The following DTD1 variants were observed in gnomAD, a reference collection of about 807,000 sequenced individuals.
DTD1 encodes the protein D-aminoacyl-tRNA deacylase 1, also known as D-tyrosyl-tRNA deacylase 1 homolog.
DTD1 carries 13 observed loss-of-function variants against 25.6 expected under a neutral mutation model. The ratio of observed to expected loss-of-function variants is 0.51; its 90% CI spans 0.33 to 0.81. The LOEUF (loss-of-function observed/expected upper bound fraction) is 0.81. DTD1 is among the 30% of genes least tolerant of loss of function. The pLI is 0.02. For synonymous variants in DTD1, 110 were observed against 103.6 expected, an observed-to-expected ratio of 1.06 and a Z score of -0.37; for missense variants, 193 against 266.4, an observed-to-expected ratio of 0.72 and a Z score of 1.92.
intron 4 of DTD1, among the ~76,000 whole-genome samples, chr20:18,648,804 G>A (rs531459028): frequency 7.9e-5 from 12 of 151,898 alleles, no homozygotes; most frequent in Non-Finnish European, 1.5e-4. Context: ...AGACCATTCT[G>A]GCTAACACGG....
intron 2 of DTD1, 120 bp from the exon 3 acceptor site, chr20:18,595,886 A>C: frequency 1.2e-6 from 1 of 805,294 alleles, no homozygotes; most frequent in East Asian, 2.6e-5. Context: ...GCCTCCTGTC[A>C]GGGATGGAGT....
chr20:18,592,602 T>C (rs2060593911), intron 1 of DTD1: 1 of 149,474 alleles, frequency 6.7e-6, no homozygotes, highest in Non-Finnish European at 1.5e-5. Flanking sequence ...TTGGACAACA[T>C]AGAGAGATCC....
Position 18,750,811 on chromosome 20 carries a change from G to A in DTD1, c.*19+6540G>A, listed in dbSNP as rs143438427. Among the ~76,000 whole-genome samples the A allele has an allele frequency of 5.5e-3, 832 of 152,306 alleles. 12 individuals are homozygous for A. Among genetic ancestry groups the A allele is most frequent in the African/African-American group, 0.019 (788 of 41,560 alleles). ...TAGGGCCACCTCTCACTAAAATGAT[G>A]TGGTTTCTGATTTGATTGCAGGGTC... On this transcript the variant is annotated intron_variant, in intron 5 of 5. Coordinates refer to ENST00000377452, the MANE Select transcript of DTD1 (RefSeq NM_080820.6).
At chr20:18,696,719 T>C (rs1191861912) in intron 4 of DTD1, among the ~76,000 whole-genome samples, 1 of 151,890 alleles carries the variant, frequency 6.6e-6, no homozygotes, top group Non-Finnish European at 1.5e-5. Flanking sequence ...CACACCCAGC[T>C]AATCTTGTAG....
intron 3 of DTD1, among the ~76,000 whole-genome samples, chr20:18,615,201 A>G (rs2060704542): frequency 6.6e-6 from 1 of 152,238 alleles, no homozygotes; most frequent in Non-Finnish European, 1.5e-5. Flanking sequence ...ATACAGTCCC[A>G]CGCTGTAATG....
At chr20:18,651,404 G>T (rs759187485) in intron 4 of DTD1, among the ~76,000 whole-genome samples, 1 of 152,196 alleles carries the variant, frequency 6.6e-6, no homozygotes, top group Non-Finnish European at 1.5e-5. Flanking sequence ...GCCCGTCTCC[G>T]CCTCCCAAAG....
chr20:18,728,083 C>T (rs2061228584), intron 4 of DTD1, among the ~76,000 whole-genome samples: 1 of 152,050 alleles, frequency 6.6e-6, no homozygotes, highest in South Asian at 2.1e-4. Flanking sequence ...TGGGTAGGAC[C>T]CTGGAGGGGT....
chr20:18,599,969 A>T (rs2060626994), intron 3 of DTD1, among the ~76,000 whole-genome samples: 1 of 152,172 alleles, frequency 6.6e-6, no homozygotes, highest in African/African-American at 2.4e-5. Context: ...ATCCTTTATC[A>T]GATATGTCTT....
intron 2 of DTD1, among the ~76,000 whole-genome samples, chr20:18,595,351 C>G (rs925297608): frequency 1.3e-5 from 2 of 152,080 alleles, no homozygotes; most frequent in Non-Finnish European, 1.5e-5. Flanking sequence ...ACTGCAATCT[C>G]TGCCTCCCTG....
chr20:18,661,285 T>C (rs769796707), intron 4 of DTD1, among the ~76,000 whole-genome samples: 1 of 152,124 alleles, frequency 6.6e-6, no homozygotes, highest in East Asian at 1.9e-4. Flanking sequence ...CTACAAAAAA[T>C]GATGCTGGGA....
chr20:18,684,216 C>G (rs2061007904), intron 4 of DTD1, among the ~76,000 whole-genome samples: 3 of 152,128 alleles, frequency 2.0e-5, no homozygotes, highest in Admixed American at 6.5e-5. Context: ...CCCACCCCAC[C>G]CCTGCATGAT....
intron 4 of DTD1, among the ~76,000 whole-genome samples, chr20:18,708,156 C>CGT (rs2061133830): frequency 1.2e-5 from 1 of 82,718 alleles, no homozygotes; most frequent in African/African-American, 4.5e-5. Context: ...TAATTATTAA[C>CGT]ATGTGTGTGT....
rs1470919333 is a variant in DTD1 at position 18,766,329 on chromosome 20, T to C, written c.*2989T>C. The C allele has an allele frequency of 1.3e-5, 2 of 152,246 alleles. No homozygotes were observed. Among genetic ancestry groups the C allele is most frequent in the Non-Finnish European group, 2.9e-5 (2 of 68,044 alleles). The allele number at this position is 152,246 out of a possible 1,614,324, so 9.4% of individuals were successfully genotyped here. On this transcript the variant is annotated 3_prime_UTR_variant, in exon 6 of 6. Coordinates refer to ENST00000377452, the MANE Select transcript of DTD1 (RefSeq NM_080820.6). ...TCTGCCGTTTTTCAGCCAGGCACTT[T>C]AAGAATTCTTAATTTGTTGTTCGTT...
At chr20:18,728,774 T>C (rs2061230893) in intron 4 of DTD1, among the ~76,000 whole-genome samples, 1 of 152,180 alleles carries the variant, frequency 6.6e-6, no homozygotes, top group Non-Finnish European at 1.5e-5. Context: ...GAAAAGCCCC[T>C]GCCTGGGTCC....
At chr20:18,699,442 T>C (rs576233013) in intron 4 of DTD1, among the ~76,000 whole-genome samples, 20 of 152,224 alleles carry the variant, frequency 1.3e-4, no homozygotes, top group Non-Finnish European at 2.8e-4. Context: ...AACAGGGACA[T>C]GGGCAGGGGC....
chr20:18,707,315 C>T (rs2061130553), intron 4 of DTD1, among the ~76,000 whole-genome samples: 1 of 152,170 alleles, frequency 6.6e-6, no homozygotes, highest in South Asian at 2.1e-4. Flanking sequence ...AAACAAGCTC[C>T]TTAGCTGTTT....
intron 4 of DTD1, among the ~76,000 whole-genome samples, chr20:18,639,857 A>G (rs773607757): frequency 3.3e-5 from 5 of 152,196 alleles, no homozygotes; most frequent in Non-Finnish European, 7.3e-5. Context: ...AGTCAGGAAC[A>G]TGATACTCAC....
intron 3 of DTD1, among the ~76,000 whole-genome samples, chr20:18,624,017 C>T (rs749187062): frequency 6.6e-5 from 10 of 152,084 alleles, no homozygotes; most frequent in Non-Finnish European, 1.5e-4. Flanking sequence ...CAGAGGCTCA[C>T]TCTGGCCATG....
intron 5 of DTD1, among the ~76,000 whole-genome samples, chr20:18,748,779 A>G (rs1366067381): frequency 6.6e-6 from 1 of 152,178 alleles, no homozygotes; most frequent in Non-Finnish European, 1.5e-5. Context: ...TGACATTTTA[A>G]TAATGTATTT....
Sources: gnomAD v4.1 joint callset for allele counts (sites outside exome capture counted in the v4.1 genomes callset) on GRCh38, gnomAD v4.1.1 for gene constraint, MANE v1.5 for transcripts, NCBI Gene and HGNC (gene_info 2026-07-23, HGNC 2026-07-21) for gene names.